The following INSIG2 variants were observed in gnomAD, a reference collection of about 807,000 sequenced individuals.
The protein encoded by INSIG2 is insulin induced gene 2, also known as insulin-induced gene 2 protein.
A neutral mutation model predicts 27.2 loss-of-function variants in INSIG2; 10 were observed. That is an observed-to-expected ratio of 0.37 (90% CI 0.23 to 0.62). The LOEUF (loss-of-function observed/expected upper bound fraction) is 0.62, where lower values mean the gene tolerates loss of function less well. INSIG2 is among the 20% of genes least tolerant of loss of function. The pLI, the probability that INSIG2 is intolerant of heterozygous loss-of-function variation, is 0.65. For synonymous variants in INSIG2, 97 were observed against 95.8 expected (o/e 1.01, Z -0.07); for missense variants, 178 against 270.2 (o/e 0.66, Z 2.39).
intron 2 of INSIG2, among the ~76,000 whole-genome samples, chr2:118,098,723 A>T (rs1457482980): frequency 6.6e-6 from 1 of 152,144 alleles, no homozygotes; most frequent in Non-Finnish European, 1.5e-5. Context: ...TTTGCCATAA[A>T]CTTACATTTT....
Position 118,096,565 on chromosome 2 carries a change from A to G in INSIG2, c.9A>G (p.Glu3=), listed in dbSNP as rs1485492070. ...TCTGAACCTATGAAACCATGGCAGA[A>G]GGAGAGACAGAGTCACCTGGGCCCA... is the stretch of plus-strand genomic sequence containing the variant. MA[E]GETESPGPKK... is the part of the protein sequence containing the mutation. Residue 3 remains glutamate, a synonymous_variant, in exon 2 of 6, where the codon GAA becomes GAG. Coordinates refer to ENST00000245787, the MANE Select transcript of INSIG2 (RefSeq NM_016133.4). 2 of 1,613,230 alleles carry G rather than the reference A, an allele frequency of 1.2e-6. No individual in the cohort carries two copies. The highest frequency in any genetic ancestry group is 1.3e-5 in the African/African-American group (1 of 74,836).
intron 2 of INSIG2, among the ~76,000 whole-genome samples, chr2:118,102,081 C>A (rs940102329): frequency 6.6e-6 from 1 of 152,162 alleles, no homozygotes; most frequent in African/African-American, 2.4e-5. Context: ...GGCCTCTTGT[C>A]CCTCAGGCAC....
intron 3 of INSIG2, among the ~76,000 whole-genome samples, chr2:118,104,684 G>A (rs980499871): frequency 1.3e-5 from 2 of 152,164 alleles, no homozygotes; most frequent in African/African-American, 2.4e-5. Context: ...CATTGCAGCA[G>A]AGCTGAGAAC....
At chr2:118,103,172 T>G (rs1678590676) in intron 2 of INSIG2, 25 bp from the exon 3 acceptor site, 2 of 1,608,594 alleles carry the variant, frequency 1.2e-6, no homozygotes, top group East Asian at 4.5e-5. Context: ...GGAGGTAACT[T>G]AATTTTTTTC....
intron 2 of INSIG2, among the ~76,000 whole-genome samples, chr2:118,100,779 A>G (rs909649386): frequency 6.6e-6 from 1 of 152,206 alleles, no homozygotes; most frequent in Admixed American, 6.5e-5. Context: ...GCGTCGAAGT[A>G]TACCTCATGG....
At position 118,110,764 on chromosome 2, in the gene INSIG2, G is replaced by A. The variant is rs978837631; in HGVS notation, c.*2442G>A. On this transcript the variant is annotated 3_prime_UTR_variant, in exon 6 of 6. Coordinates refer to ENST00000245787, the MANE Select transcript of INSIG2 (RefSeq NM_016133.4). ...CTTTCTTTTATTATTTCAAGTTATG[G>A]AAATTTGCACAGTTGAAAACTGGGG... 1.3e-5 allele frequency: 2 copies of A among 152,062 alleles called. No homozygotes were observed. Among genetic ancestry groups the A allele is most frequent in the Non-Finnish European group, 2.9e-5 (2 of 68,002 alleles). The allele number at this position is 152,062 out of a possible 1,614,324, so 9.4% of individuals were successfully genotyped here.
At chr2:118,090,004 T>C (rs1286553169) in intron 1 of INSIG2, among the ~76,000 whole-genome samples, 1 of 152,218 alleles carries the variant, frequency 6.6e-6, no homozygotes. Context: ...ATTGCTTTTC[T>C]TCCTAGAAAT....
chr2:118,093,003 A>AGAT (rs745781895), intron 1 of INSIG2, among the ~76,000 whole-genome samples: 27 of 134,874 alleles, frequency 2.0e-4, no homozygotes, highest in African/African-American at 6.5e-4. Context: ...AAAAGCAACC[A>AGAT]GATGATGATG....
chr2:118,096,814 G>C lies in INSIG2; in HGVS notation c.244+14G>C. 4.3e-6 allele frequency: 7 copies of C among 1,609,328 alleles called. No individual in the cohort carries two copies. Among genetic ancestry groups the C allele is most frequent in the Non-Finnish European group, 5.9e-6 (7 of 1,179,146 alleles). On this transcript the variant is annotated intron_variant, in intron 2 of 5. Transcript: ENST00000245787. ...GCACGGCTTCAGGTATGTGTAGGAT[G>C]TTTCTGTAATGCTTAGAAAGGAAAT...
At position 118,096,518 on chromosome 2, in the gene INSIG2, A is replaced by ATT. The variant is rs58018715; in HGVS notation, c.-27_-26dup. On this transcript the variant is annotated 5_prime_UTR_variant, in exon 2 of 6. Coordinates refer to ENST00000245787, the MANE Select transcript of INSIG2 (RefSeq NM_016133.4). The stretch of plus-strand genomic sequence containing the variant: ...AGCTTTTCAGCTGGGAAGCCTTTCC[A>ATT]TTTTTTTTTTTTTAACGGCTTTCTG... 2,521 of 1,380,236 alleles carry ATT rather than the reference A, an allele frequency of 1.8e-3. No individual in the cohort carries two copies. Among genetic ancestry groups the ATT allele is most frequent in the East Asian group, 8.4e-3 (348 of 41,480 alleles). The allele number at this position is 1,380,236 out of a possible 1,614,324, so 85.5% of individuals were successfully genotyped here.
chr2:118,106,960 C>A (rs1392674063), intron 4 of INSIG2, 57 bp downstream of exon 4: 3 of 1,572,360 alleles, frequency 1.9e-6, no homozygotes, highest in Admixed American at 3.4e-5. Flanking sequence ...AAATGATAAC[C>A]GCTTTCAGAA....
intron 1 of INSIG2, among the ~76,000 whole-genome samples, chr2:118,091,200 T>C (rs1286957461): frequency 1.3e-5 from 2 of 152,158 alleles, no homozygotes; most frequent in African/African-American, 4.8e-5. Flanking sequence ...CCCTTGAAAA[T>C]AACCCACTCC....
intron 2 of INSIG2, among the ~76,000 whole-genome samples, chr2:118,102,346 C>A (rs904957424): frequency 6.6e-6 from 1 of 152,146 alleles, no homozygotes; most frequent in Non-Finnish European, 1.5e-5. Flanking sequence ...TATTTTGGGA[C>A]TCAATCATTG....
In INSIG2 at chr2:118,090,915, C is replaced by G. The variant is rs572194714; in HGVS notation, c.-139+2374C>G. On this transcript the variant is annotated intron_variant, in intron 1 of 5. Coordinates refer to ENST00000245787, the MANE Select transcript of INSIG2 (RefSeq NM_016133.4). Reference sequence around the variant, plus strand: ...TTTTGTAAAATGGAAACTAACAACACCTGCCTATTTACCAAGATTGTTTTC... The same window carrying G: ...TTTTGTAAAATGGAAACTAACAACAGCTGCCTATTTACCAAGATTGTTTTC... 2.3e-4 allele frequency among the ~76,000 whole-genome samples: 35 copies of G among 152,236 alleles called. 1 individual carries two copies. In the South Asian group the frequency reaches 6.8e-3, roughly 30 times the overall value.
At chr2:118,092,893 G>A (rs61691937) in intron 1 of INSIG2, among the ~76,000 whole-genome samples, 20,681 of 145,806 alleles carry the variant, frequency 0.14, 2,025 homozygotes, top group East Asian at 0.33. Context: ...TGAGGACGAG[G>A]AGAGTTCTGT....
At chr2:118,100,432 G>A (rs565578619) in intron 2 of INSIG2, among the ~76,000 whole-genome samples, 33 of 125,702 alleles carry the variant, frequency 2.6e-4, no homozygotes, top group African/African-American at 9.7e-4. Context: ...GGGCTGGAGT[G>A]CAGTGGCGCC....
At chr2:118,104,034 T>A (rs1268461515) in intron 3 of INSIG2, among the ~76,000 whole-genome samples, 2 of 152,190 alleles carry the variant, frequency 1.3e-5, no homozygotes, top group African/African-American at 4.8e-5. Flanking sequence ...TTTCCTCTCT[T>A]GTACTTCCTC....
intron 1 of INSIG2, among the ~76,000 whole-genome samples, chr2:118,090,490 A>G (rs1002272149): frequency 9.8e-5 from 15 of 152,326 alleles, no homozygotes; most frequent in South Asian, 8.3e-4. Context: ...AATAATATCA[A>G]TCCATTAATA....
Sources: allele counts gnomAD v4.1 joint callset (sites outside exome capture counted in the v4.1 genomes callset), GRCh38; gene constraint gnomAD v4.1.1; transcripts MANE v1.5; gene names NCBI Gene and HGNC (gene_info 2026-07-23, HGNC 2026-07-21).